P3H4: variants seen among roughly 807,000 people sequenced by gnomAD.
P3H4 encodes prolyl 3-hydroxylase family member 4 (inactive).
A neutral mutation model predicts 52.9 loss-of-function variants in P3H4; 47 were observed. That is an observed-to-expected ratio of 0.89 (90% CI 0.70 to 1.13). P3H4 has a LOEUF of 1.13. Among genes scored for constraint, P3H4 ranks in the 50% most tolerant of loss-of-function variants. The pLI is 0.00. For synonymous variants in P3H4, 256 were observed against 267.9 expected (o/e 0.96, Z 0.44); for missense variants, 585 against 611.0 (o/e 0.96, Z 0.45).
rs781925076 is a variant in P3H4, at chr17:41,810,999, G to A, written c.651C>T (p.Ser217=). 11 of 1,613,982 alleles carry A rather than the reference G, an allele frequency of 6.8e-6. No homozygotes were observed. In the East Asian group the frequency reaches 1.1e-4, roughly 16 times the overall value. The change falls in exon 3 of 8, where the codon AGC becomes AGT. Residue 217 remains serine, a synonymous_variant. Transcript: ENST00000393928. The stretch of plus-strand genomic sequence containing the variant: ...CCTCCGTGCTGCTGCGGAAATCCCC[G>A]CTGTTGTAGAGCTTCACAGCCCGGA... The part of the protein sequence containing the change: ...VFLRAVKLYN[S]GDFRSSTEDM...
chr17:41,809,051 C>T (rs536538104), intron 4 of P3H4, among the ~76,000 whole-genome samples: 5 of 152,310 alleles, frequency 3.3e-5, no homozygotes, highest in African/African-American at 1.2e-4. Context: ...TCAGTTTCCC[C>T]ATCTGAAAAA....
chr17:41,809,249 C>T (rs1465420402), intron 4 of P3H4, among the ~76,000 whole-genome samples: 1 of 151,992 alleles, frequency 6.6e-6, no homozygotes, highest in Non-Finnish European at 1.5e-5. Flanking sequence ...GGTGAAACCC[C>T]GTCTCTACTA....
chr17:41,804,712 G>A (rs538969472), intron 6 of P3H4, among the ~76,000 whole-genome samples: 29 of 152,154 alleles, frequency 1.9e-4, no homozygotes, highest in Non-Finnish European at 3.4e-4. Flanking sequence ...GCTCACGCCT[G>A]TAAACCTAGC....
chr17:41,802,584 C>T lies in P3H4; in HGVS notation c.*373G>A, dbSNP rs2047629469. 1 of 230,736 alleles carries T rather than the reference C, an allele frequency of 4.3e-6. No homozygotes were observed. Among genetic ancestry groups the T allele is most frequent in the South Asian group, 5.4e-5 (1 of 18,532 alleles). 14.3% of individuals were successfully genotyped at this position (230,736 alleles called of 1,614,324 possible). On this transcript the variant is annotated 3_prime_UTR_variant, in exon 8 of 8. Transcript: ENST00000393928. ...GTTTTTTTTTAAAGATGGAGTCTCG[C>T]TCTGTCGCCCAGGCTGGAGTGCGGT... is the stretch of plus-strand genomic sequence containing the variant.
Position 41,811,572 on chromosome 17 carries a change from C to T in P3H4, c.344G>A (p.Cys115Tyr), listed in dbSNP as rs1555615192. ...LFGRVLERAA[C>Y]LRRCKRTLPA... is the part of the protein sequence containing the mutation. ...CAGCGTCCGCTTGCAGCGCCGCAGG[C>T]AGGCGGCTCGCTCCAGGACGCGGCC... The change falls in exon 1 of 8, where the codon TGC (cysteine) becomes TAC (tyrosine). Residue 115 changes from cysteine (C) to tyrosine (Y), a missense_variant. Physicochemically the swap from Cys to Tyr is radical, Grantham distance 194. Coordinates refer to ENST00000393928, the MANE Select transcript of P3H4 (RefSeq NM_006455.3). This position sits in a 1 kb window ranked among gnomAD's most constrained non-coding sequence, Gnocchi z 4.8. The T allele has an allele frequency of 1.2e-6, 2 of 1,603,196 alleles. No individual in the cohort carries two copies. The highest frequency in any genetic ancestry group is 2.7e-5 in the African/African-American group (2 of 74,854).
Position 41,811,190 on chromosome 17 carries a change from T to C in P3H4, c.557A>G (p.Gln186Arg), listed in dbSNP as rs13412. ...CTCGTCGGCGACGTCCAGCATCCCC[T>C]GATAGTAGTTGAGATACTTGGCGGT... ...ELTAKYLNYY[Q>R]GMLDVADESL... is the part of the protein sequence containing the mutation. Residue 186 changes from glutamine (Q) to arginine (R), a missense_variant, in exon 2 of 8, where the codon CAG becomes CGG. Coordinates refer to ENST00000393928, the MANE Select transcript of P3H4 (RefSeq NM_006455.3). The surrounding 1 kb of genome is among the most constrained non-coding windows in gnomAD (Gnocchi z 4.8). The C allele has an allele frequency of 0.35, 570,024 of 1,613,864 alleles. 103,558 individuals carry two copies. The highest frequency in any genetic ancestry group is 0.48 in the Admixed American group (28,615 of 60,000).
chr17:41,811,388 G>T lies in P3H4; in HGVS notation c.462+66C>A. 1 of 1,606,274 alleles carries T rather than the reference G, an allele frequency of 6.2e-7. No homozygotes were observed. Among genetic ancestry groups the T allele is most frequent in the South Asian group, 1.1e-5 (1 of 90,740 alleles). On this transcript the variant is annotated intron_variant, in intron 1 of 7. Coordinates refer to ENST00000393928, the MANE Select transcript of P3H4 (RefSeq NM_006455.3). This position sits in a 1 kb window ranked among gnomAD's most constrained non-coding sequence, Gnocchi z 4.8. ...CCTTGGGTGAAGATAACGCTCCTTC[G>T]ACCGATCTGTGGGGAGCCACGACGC...
chr17:41,803,417 C>T lies in P3H4; in HGVS notation c.1161G>A (p.Glu387=). The change falls in exon 7 of 8, where the codon GAG becomes GAA. Residue 387 remains glutamate (E), a synonymous_variant. Coordinates refer to ENST00000393928, the MANE Select transcript of P3H4 (RefSeq NM_006455.3). ...LQSDDEMELE[E]TEPPLEPEDA... is the part of the protein sequence containing the mutation. ...CCTCAGGCTCCAGGGGCGGTTCTGTCTCCTCCAGCTCCATCTAGAGTAGCG... is the reference window on the plus strand; with the variant it reads ...CCTCAGGCTCCAGGGGCGGTTCTGTTTCCTCCAGCTCCATCTAGAGTAGCG... 6.2e-7 allele frequency: 1 copy of T among 1,613,836 alleles called. No homozygotes were observed. The highest frequency in any genetic ancestry group is 8.5e-7 in the Non-Finnish European group (1 of 1,179,864).
rs896706501 is a variant in P3H4 at position 41,811,667 on chromosome 17, G to A, written c.249C>T (p.Pro83=). ...EAFCHANCSG[P]APAAKPDPDG... is the part of the protein sequence containing the mutation. ...CGGGATCGGGCTTGGCCGCGGGCGC[G>A]GGGCCGCTGCAGTTGGCGTGGCAGA... Residue 83 remains proline, a synonymous_variant, in exon 1 of 8, where the codon CCC becomes CCT. Transcript: ENST00000393928. The surrounding 1 kb of genome is among the most constrained non-coding windows in gnomAD (Gnocchi z 4.8). 7.0e-7 allele frequency: 1 copy of A among 1,427,946 alleles called. No individual in the cohort carries two copies. Among genetic ancestry groups the A allele is most frequent in the South Asian group, 1.5e-5 (1 of 66,886 alleles). 88.5% of individuals were successfully genotyped at this position (1,427,946 alleles called of 1,614,324 possible).
intron 4 of P3H4, 63 bp downstream of exon 4, chr17:41,809,643 C>T (rs1555614659): frequency 6.4e-7 from 1 of 1,565,736 alleles, no homozygotes; most frequent in African/African-American, 1.3e-5. Flanking sequence ...TGGGAGGCTC[C>T]CATACAGTCC....
intron 4 of P3H4, 151 bp from the exon 5 acceptor site, chr17:41,808,155 A>G (rs2047694225): frequency 1.1e-6 from 1 of 931,608 alleles, no homozygotes; most frequent in East Asian, 2.7e-5. Flanking sequence ...GCCAGCTAGC[A>G]TGTAGTGGGC....
chr17:41,808,617 G>C (rs1351355032), intron 4 of P3H4, among the ~76,000 whole-genome samples: 4 of 152,130 alleles, frequency 2.6e-5, no homozygotes, highest in Non-Finnish European at 5.9e-5. Flanking sequence ...TCGAACTCCT[G>C]GGCTCAAGCC....
intron 4 of P3H4, among the ~76,000 whole-genome samples, chr17:41,809,228 C>T (rs1555614582): frequency 6.6e-6 from 1 of 152,170 alleles, no homozygotes; most frequent in African/African-American, 2.4e-5. Flanking sequence ...CAAGACCAGC[C>T]TGGCCAACAT....
At chr17:41,809,961 G>A (rs2047712043) in intron 3 of P3H4, 127 bp from the exon 4 acceptor site, 1 of 1,092,638 alleles carries the variant, frequency 9.2e-7, no homozygotes, top group East Asian at 2.5e-5. Flanking sequence ...ATGTGTTGCT[G>A]TTGCAATCAC....
chr17:41,805,786 C>T (rs941358877), intron 6 of P3H4, among the ~76,000 whole-genome samples: 2 of 152,162 alleles, frequency 1.3e-5, no homozygotes, highest in Non-Finnish European at 2.9e-5. Context: ...ATCCTGGGTG[C>T]TGACGGTGTA....
intron 4 of P3H4, among the ~76,000 whole-genome samples, chr17:41,808,821 C>G (rs965860139): frequency 6.6e-6 from 1 of 152,186 alleles, no homozygotes; most frequent in African/African-American, 2.4e-5. Context: ...AGCCTCTCTG[C>G]TATGTGTACC....
intron 4 of P3H4, 147 bp downstream of exon 4, chr17:41,809,559 A>G: frequency 1.1e-6 from 1 of 924,844 alleles, no homozygotes; most frequent in Non-Finnish European, 1.6e-6. Flanking sequence ...TGCCTTCCCC[A>G]TATTCCCACC....
intron 6 of P3H4, among the ~76,000 whole-genome samples, chr17:41,804,543 G>A (rs782625397): frequency 3.3e-5 from 5 of 151,976 alleles, no homozygotes; most frequent in Admixed American, 6.6e-5. Context: ...CAGGAGAATC[G>A]CTTGAACCTG....
At chr17:41,808,476 C>T (rs1217352999) in intron 4 of P3H4, among the ~76,000 whole-genome samples, 1 of 150,788 alleles carries the variant, frequency 6.6e-6, no homozygotes, top group Non-Finnish European at 1.5e-5. Flanking sequence ...CAGCCTCTGC[C>T]TCCTGGGCTC....
Sources: gnomAD v4.1 joint callset for allele counts (sites outside exome capture counted in the v4.1 genomes callset) on GRCh38, gnomAD v4.1.1 for gene constraint, Gnocchi (gnomAD v3.1) non-coding constraint, MANE v1.5 for transcripts, NCBI Gene and HGNC (gene_info 2026-07-23, HGNC 2026-07-21) for gene names.